Variants in GLDC observed in about 807,000 individuals in gnomAD.
The protein encoded by GLDC is glycine dehydrogenase (decarboxylating), mitochondrial.
In GLDC, 104 loss-of-function variants were observed where a neutral mutation model predicts 121.3. The observed-to-expected ratio is 0.86, with a 90% CI of 0.73 to 1.01. The LOEUF (loss-of-function observed/expected upper bound fraction) is 1.01. Among genes scored for constraint, GLDC ranks in the 50% least tolerant of loss-of-function variants. The pLI, the probability that GLDC is intolerant of heterozygous loss-of-function variation, is 0.00. For missense variants in GLDC, 1,429 were observed against 1,306.6 expected, an observed-to-expected ratio of 1.09 and a Z score of -1.44; for synonymous variants, 546 against 480.6, an observed-to-expected ratio of 1.14 and a Z score of -1.78.
At chr9:6,594,863 A>C in intron 9 of GLDC, 151 bp downstream of exon 9, 1 of 665,624 alleles carries the variant, frequency 1.5e-6, no homozygotes, top group Non-Finnish European at 2.7e-6. Context: ...AAGCAAAACA[A>C]CAAAATAATC....
At chr9:6,635,226 T>A (rs1283327940) in intron 2 of GLDC, among the ~76,000 whole-genome samples, 2 of 152,216 alleles carry the variant, frequency 1.3e-5, no homozygotes, top group Admixed American at 6.5e-5. Context: ...GTACACCAAG[T>A]GCCTGAAGCA....
chr9:6,561,856 A>G (rs1238448251), intron 16 of GLDC, among the ~76,000 whole-genome samples: 1 of 152,102 alleles, frequency 6.6e-6, no homozygotes, highest in East Asian at 1.9e-4. Flanking sequence ...GGTTAAGGAG[A>G]TCTCCTGTGC....
At chr9:6,602,301 A>G in intron 7 of GLDC, 96 bp from the exon 8 acceptor site, 1 of 795,118 alleles carries the variant, frequency 1.3e-6, no homozygotes, top group East Asian at 2.5e-5. Context: ...GCTTGAAGTG[A>G]ATTCAGCAAA....
chr9:6,578,644 A>T (rs1435458084), intron 15 of GLDC, among the ~76,000 whole-genome samples: 3 of 151,912 alleles, frequency 2.0e-5, no homozygotes, highest in Admixed American at 2.0e-4. Context: ...GACTCAAGTG[A>T]TCCTCCCACC....
chr9:6,563,711 TG>T (rs1817800925), intron 16 of GLDC, among the ~76,000 whole-genome samples: 4 of 152,202 alleles, frequency 2.6e-5, no homozygotes, highest in Admixed American at 2.6e-4. Context: ...GAACAAACTG[TG>T]GGGGAATTTC....
rs1286813560 is a variant in GLDC at position 6,592,938 on chromosome 9, C to G, written c.1314G>C (p.Leu438Phe). 6.2e-7 allele frequency: 1 copy of G among 1,614,122 alleles called. No homozygotes were observed. Among genetic ancestry groups the G allele is most frequent in the Admixed American group, 1.7e-5 (1 of 60,014 alleles). ...TCACTGAGCAGCCACACTGAATCTT[C>G]AAGGTATCAAAGAACAGGTCATGCT... ...QLQHDLFFDT[L>F]KIQCGCSVKE... The change falls in exon 10 of 25, where the codon TTG becomes TTC. Residue 438 changes from leucine to phenylalanine, a missense_variant. By Grantham distance (22) the Leu-to-Phe change is conservative (BLOSUM62 0). Transcript: ENST00000321612.
At chr9:6,590,586 G>C (rs908838459) in intron 11 of GLDC, among the ~76,000 whole-genome samples, 2 of 152,090 alleles carry the variant, frequency 1.3e-5, no homozygotes, top group Non-Finnish European at 2.9e-5. Flanking sequence ...CTTCATGAGA[G>C]GAAGTTTCCT....
At chr9:6,593,394 G>T (rs1004365910) in intron 9 of GLDC, among the ~76,000 whole-genome samples, 5 of 151,518 alleles carry the variant, frequency 3.3e-5, no homozygotes, top group African/African-American at 1.2e-4. Flanking sequence ...CTGGGCTCAA[G>T]CTCATGCAAT....
chr9:6,618,027 G>A (rs1280378573), intron 3 of GLDC, among the ~76,000 whole-genome samples: 1 of 152,186 alleles, frequency 6.6e-6, no homozygotes, highest in Non-Finnish European at 1.5e-5. Context: ...CTCATGTCAT[G>A]ATGATCCTGC....
chr9:6,626,017 C>G (rs1439123365), intron 2 of GLDC, among the ~76,000 whole-genome samples: 1 of 152,024 alleles, frequency 6.6e-6, no homozygotes, highest in Non-Finnish European at 1.5e-5. Context: ...TCTGAGAACA[C>G]AAAATGCCAC....
intron 24 of GLDC, among the ~76,000 whole-genome samples, chr9:6,534,364 C>T (rs1473472585): frequency 1.3e-5 from 2 of 149,742 alleles, no homozygotes; most frequent in East Asian, 1.9e-4. Context: ...AAACAGACTA[C>T]ACAGAACCTT....
intron 2 of GLDC, among the ~76,000 whole-genome samples, chr9:6,637,901 C>T (rs1366182479): frequency 6.6e-6 from 1 of 151,516 alleles, no homozygotes. Flanking sequence ...GTTGCCCAGG[C>T]TGGTCTTGAA....
chr9:6,606,474 C>G (rs1004878210), intron 5 of GLDC, 118 bp downstream of exon 5: 3 of 778,014 alleles, frequency 3.9e-6, no homozygotes, highest in African/African-American at 3.4e-5. Context: ...CCAATTTAAA[C>G]AGCAAAAAAC....
At chr9:6,579,533 AT>A (rs71487851) in intron 15 of GLDC, among the ~76,000 whole-genome samples, 80,634 of 151,404 alleles carry the variant, frequency 0.53, 21,973 homozygotes, top group Middle Eastern at 0.57. Flanking sequence ...TAATTTTATT[AT>A]TTTTTTTGTA....
intron 16 of GLDC, among the ~76,000 whole-genome samples, chr9:6,564,513 A>G (rs912867769): frequency 2.0e-5 from 3 of 152,178 alleles, no homozygotes; most frequent in African/African-American, 7.2e-5. Context: ...GCCAGCCAGC[A>G]CCACCCTATC....
At chr9:6,569,208 G>C (rs889692956) in intron 15 of GLDC, 1 of 152,190 alleles carries the variant, frequency 6.6e-6, no homozygotes, top group Non-Finnish European at 1.5e-5. Flanking sequence ...TGACATGGCA[G>C]AGATAGGGTG....
At position 6,612,463 on chromosome 9, in the gene GLDC, G is replaced by A. The variant is rs114997406; in HGVS notation, c.471-2107C>T. ...GAAAAGTAGATGGAGGCTGGGCATG[G>A]TGGCTCACACCTGTAACCCTTGCAC... On this transcript the variant is annotated intron_variant, in intron 3 of 24. Coordinates refer to ENST00000321612, the MANE Select transcript of GLDC (RefSeq NM_000170.3). Among the ~76,000 whole-genome samples the A allele has an allele frequency of 8.9e-3, 1,354 of 152,228 alleles. 24 individuals carry two copies. Among genetic ancestry groups the A allele is most frequent in the African/African-American group, 0.031 (1,289 of 41,532 alleles).
intron 15 of GLDC, among the ~76,000 whole-genome samples, chr9:6,578,762 G>C (rs1818121577): frequency 6.6e-6 from 1 of 151,780 alleles, no homozygotes; most frequent in South Asian, 2.1e-4. Flanking sequence ...TGAACTCCTG[G>C]GATCAAGTGA....
chr9:6,605,744 G>A, intron 5 of GLDC: 1 of 235,842 alleles, frequency 4.2e-6, no homozygotes, highest in Non-Finnish European at 8.4e-6. Context: ...ATGGGTAGGG[G>A]GAAGAATGCT....
Sources: gnomAD v4.1 joint callset for allele counts (sites outside exome capture counted in the v4.1 genomes callset) on GRCh38, gnomAD v4.1.1 for gene constraint, MANE v1.5 for transcripts, NCBI Gene and HGNC (gene_info 2026-07-23, HGNC 2026-07-21) for gene names.